The following CRIM1 variants were observed in gnomAD, a reference collection of about 807,000 sequenced individuals.
CRIM1 encodes the protein cysteine-rich motor neuron 1 protein.
A neutral mutation model predicts 116.4 loss-of-function variants in CRIM1; 32 were observed. The ratio of observed to expected loss-of-function variants is 0.27; its 90% CI spans 0.21 to 0.37. CRIM1 has a LOEUF of 0.37. Ranked by LOEUF, CRIM1 falls within the 10% of genes least tolerant of loss-of-function variation. CRIM1 has a pLI of 1.00. For synonymous variants in CRIM1, 590 were observed against 509.2 expected, an observed-to-expected ratio of 1.16 and a Z score of -2.13; for missense variants, 1,331 against 1,354.8, an observed-to-expected ratio of 0.98 and a Z score of 0.28.
chr2:36,531,955 C>T (rs1666150377), intron 13 of CRIM1: 1 of 470,854 alleles, frequency 2.1e-6, no homozygotes, highest in Non-Finnish European at 4.4e-6. Flanking sequence ...CAAAGGGCTC[C>T]AGGTCCCTGA....
In CRIM1 at chr2:36,356,323, G is replaced by C; in HGVS notation, c.31G>C (p.Ala11Pro). 1.9e-6 allele frequency: 3 copies of C among 1,574,374 alleles called. No individual in the cohort carries two copies. Among genetic ancestry groups the C allele is most frequent in the Non-Finnish European group, 2.6e-6 (3 of 1,163,150 alleles). ...CTTGGTGGCGGGGGACAGGGGGTTG[G>C]CCGGCTGCGGGCACCTCCTGGTCTC... MYLVAGDRGL[A>P]GCGHLLVSLL... is the part of the protein sequence containing the mutation. Residue 11 changes from alanine to proline, a missense_variant, in exon 1 of 17, where the codon GCC (alanine) becomes CCC (proline). Transcript: ENST00000280527. The surrounding 1 kb of genome is among the most constrained non-coding windows in gnomAD (Gnocchi z 4.3).
intron 13 of CRIM1, among the ~76,000 whole-genome samples, chr2:36,523,455 T>C (rs947504307): frequency 2.6e-5 from 4 of 152,178 alleles, no homozygotes; most frequent in Admixed American, 1.3e-4. Flanking sequence ...GCAAAACTAG[T>C]CCTATGGACA....
intron 2 of CRIM1, among the ~76,000 whole-genome samples, chr2:36,407,308 A>G (rs929780410): frequency 2.0e-5 from 3 of 152,232 alleles, no homozygotes; most frequent in Admixed American, 6.5e-5. Flanking sequence ...TTAAAATACA[A>G]GTACATGTGT....
chr2:36,517,665 A>G, intron 12 of CRIM1, 123 bp downstream of exon 12: 1 of 884,938 alleles, frequency 1.1e-6, no homozygotes, highest in Non-Finnish European at 1.7e-6. Context: ...CCAGTATCCC[A>G]TCAGGAACAG....
chr2:36,423,540 T>G (rs1331119795), intron 2 of CRIM1, among the ~76,000 whole-genome samples: 1 of 152,226 alleles, frequency 6.6e-6, no homozygotes, highest in Non-Finnish European at 1.5e-5. Context: ...AATTACACAG[T>G]AAAAGAGTTC....
In CRIM1 at chr2:36,441,366, C is replaced by T. The variant is rs771686787; in HGVS notation, c.614C>T (p.Pro205Leu). ...TATGCTCCTCCTGGGGAGTGCTGTC[C>T]CTTACCCAGCCGCTGCGTGTGCAAC... The part of the protein sequence containing the change: ...EGYAPPGECC[P>L]LPSRCVCNPA... The change falls in exon 3 of 17, where the codon CCC (proline) becomes CTC (leucine). Residue 205 changes from proline to leucine, a missense_variant. Physicochemically the swap from Pro to Leu is moderately conservative, Grantham distance 98. Coordinates refer to ENST00000280527, the MANE Select transcript of CRIM1 (RefSeq NM_016441.3). 2 of 1,614,060 alleles carry T rather than the reference C, an allele frequency of 1.2e-6. No individual in the cohort carries two copies. Among genetic ancestry groups the T allele is most frequent in the Non-Finnish European group, 1.7e-6 (2 of 1,180,038 alleles).
rs1491108936 is a variant in CRIM1 at position 36,469,646 on chromosome 2, T to TA, written c.991+4991_991+4992insA. Among the ~76,000 whole-genome samples, 1,326 of 148,484 alleles carry TA rather than the reference T, an allele frequency of 8.9e-3. 27 individuals are homozygous for TA. The highest frequency in any genetic ancestry group is 0.033 in the African/African-American group (1,260 of 38,554). On this transcript the variant is annotated intron_variant, in intron 5 of 16. Coordinates refer to ENST00000280527, the MANE Select transcript of CRIM1 (RefSeq NM_016441.3). ...ATTCAGACCTGCAGGCTGTTAATTT[T>TA]CAAAAAAAAACACTAGTACAGAAAA...
chr2:36,400,357 C>G (rs942189481), intron 2 of CRIM1, among the ~76,000 whole-genome samples: 8 of 112,194 alleles, frequency 7.1e-5, no homozygotes, highest in Non-Finnish European at 1.1e-4. Context: ...AACAACATCA[C>G]TGGGGGTGGG....
chr2:36,420,761 C>G (rs1327954157), intron 2 of CRIM1, among the ~76,000 whole-genome samples: 1 of 152,306 alleles, frequency 6.6e-6, no homozygotes, highest in Non-Finnish European at 1.5e-5. Flanking sequence ...TGCAACAGCT[C>G]TCATGTGACT....
At chr2:36,471,417 C>T (rs1331717551) in intron 5 of CRIM1, among the ~76,000 whole-genome samples, 2 of 152,070 alleles carry the variant, frequency 1.3e-5, no homozygotes, top group Non-Finnish European at 2.9e-5. Context: ...AAAGAAATTG[C>T]CACAGCCACC....
At chr2:36,460,931 A>G (rs950467516) in intron 4 of CRIM1, among the ~76,000 whole-genome samples, 1 of 152,238 alleles carries the variant, frequency 6.6e-6, no homozygotes, top group African/African-American at 2.4e-5. Context: ...AGGAATGTGC[A>G]GAGGCCATTA....
At chr2:36,506,928 G>C (rs1272437917) in intron 8 of CRIM1, among the ~76,000 whole-genome samples, 1 of 151,932 alleles carries the variant, frequency 6.6e-6, no homozygotes, top group Non-Finnish European at 1.5e-5. Context: ...TGCAGTCACA[G>C]CTCTCACTGC....
At chr2:36,544,874 T>C (rs537413485) in intron 15 of CRIM1, among the ~76,000 whole-genome samples, 3 of 152,340 alleles carry the variant, frequency 2.0e-5, no homozygotes, top group African/African-American at 7.2e-5. Flanking sequence ...CTGTCTCTTG[T>C]AGATTCCGCA....
At chr2:36,378,572 A>G (rs1670493612) in intron 1 of CRIM1, 1 of 351,164 alleles carries the variant, frequency 2.8e-6, no homozygotes, top group African/African-American at 2.1e-5. Context: ...TTGAAAGTTT[A>G]TGCTGATGCC....
At chr2:36,445,453 C>G (rs905747425) in intron 4 of CRIM1, among the ~76,000 whole-genome samples, 3 of 152,202 alleles carry the variant, frequency 2.0e-5, no homozygotes, top group African/African-American at 7.2e-5. Context: ...CCAACAGGTC[C>G]CACTGCCTAG....
chr2:36,468,826 T>C (rs1182997763), intron 5 of CRIM1, among the ~76,000 whole-genome samples: 4 of 152,018 alleles, frequency 2.6e-5, no homozygotes, highest in African/African-American at 4.8e-5. Context: ...AGGTGTAGAG[T>C]GTGCAAGTGA....
At chr2:36,492,141 T>C (rs559085437) in intron 7 of CRIM1, among the ~76,000 whole-genome samples, 1 of 152,196 alleles carries the variant, frequency 6.6e-6, no homozygotes, top group Non-Finnish European at 1.5e-5. Context: ...GGGAAAAGCA[T>C]ACAAAATTAA....
At chr2:36,427,969 T>C (rs907020810) in intron 2 of CRIM1, among the ~76,000 whole-genome samples, 7 of 152,252 alleles carry the variant, frequency 4.6e-5, no homozygotes, top group African/African-American at 1.4e-4. Flanking sequence ...TTCTGACCTT[T>C]CTTAGCCACT....
intron 7 of CRIM1, among the ~76,000 whole-genome samples, chr2:36,495,996 A>G (rs1680566172): frequency 6.6e-6 from 1 of 152,194 alleles, no homozygotes; most frequent in South Asian, 2.1e-4. Flanking sequence ...TGTTGGGAGA[A>G]TGACGAAAGG....
Sources: allele counts gnomAD v4.1 joint callset (sites outside exome capture counted in the v4.1 genomes callset), GRCh38; gene constraint gnomAD v4.1.1; non-coding constraint Gnocchi (gnomAD v3.1); transcripts MANE v1.5; gene names NCBI Gene and HGNC (gene_info 2026-07-23, HGNC 2026-07-21).